The following AGMO variants were observed in gnomAD, a reference collection of about 807,000 sequenced individuals.
AGMO encodes the protein alkylglycerol monooxygenase, also known as glyceryl-ether monooxygenase.
AGMO carries 75 observed loss-of-function variants against 60.2 expected under a neutral mutation model. The observed-to-expected ratio is 1.25, with a 90% CI of 1.03 to 1.51. AGMO has a LOEUF of 1.51. AGMO is among the 40% of genes most tolerant of loss of function. AGMO has a pLI of 0.00. For missense variants in AGMO, 763 were observed against 525.5 expected (o/e 1.45, Z -4.42); for synonymous variants, 261 against 177.1 (o/e 1.47, Z -3.76).
chr7:15,137,557 T>A, the AGMO span, among the ~76,000 whole-genome samples: 3 of 152,182 alleles, frequency 2.0e-5, no homozygotes, highest in African/African-American at 7.2e-5. Flanking sequence ...GCAAAGGTTG[T>A]GATGCAGTGC....
chr7:15,161,503 T>A, the AGMO span, among the ~76,000 whole-genome samples: 1 of 151,644 alleles, frequency 6.6e-6, no homozygotes, highest in Admixed American at 6.6e-5. Flanking sequence ...TACACACATA[T>A]GTCATATATG....
At chr7:15,482,811 G>T (rs1318106765) in intron 3 of AGMO, among the ~76,000 whole-genome samples, 1 of 152,124 alleles carries the variant, frequency 6.6e-6, no homozygotes, top group Non-Finnish European at 1.5e-5. Flanking sequence ...TTCTATTCAG[G>T]TGGGTTTGGT....
At chr7:15,400,670 C>T (rs752957236) in intron 5 of AGMO, among the ~76,000 whole-genome samples, 1 of 152,038 alleles carries the variant, frequency 6.6e-6, no homozygotes, top group Non-Finnish European at 1.5e-5. Flanking sequence ...GATCTTTGAT[C>T]AAGTGAGTTG....
At chr7:15,461,582 T>C (rs1412758360) in intron 3 of AGMO, among the ~76,000 whole-genome samples, 1 of 152,152 alleles carries the variant, frequency 6.6e-6, no homozygotes, top group African/African-American at 2.4e-5. Flanking sequence ...GGGGTTCTCA[T>C]TAGCATTTAT....
At chr7:15,534,302 T>A (rs1784433947) in intron 3 of AGMO, among the ~76,000 whole-genome samples, 1 of 152,054 alleles carries the variant, frequency 6.6e-6, no homozygotes, top group Non-Finnish European at 1.5e-5. Context: ...ATGGATTTTA[T>A]TTCTTTTAAA....
At chr7:15,215,679 A>C (rs1420088174) in intron 12 of AGMO, among the ~76,000 whole-genome samples, 1 of 152,080 alleles carries the variant, frequency 6.6e-6, no homozygotes, top group African/African-American at 2.4e-5. Flanking sequence ...GTATAGCACT[A>C]TGGAGAATAT....
intron 3 of AGMO, among the ~76,000 whole-genome samples, chr7:15,459,515 T>C (rs1052562691): frequency 6.6e-6 from 1 of 151,938 alleles, no homozygotes; most frequent in Non-Finnish European, 1.5e-5. Context: ...TGGAATGAAC[T>C]TTTCTGAATC....
At chr7:15,381,114 C>G (rs545252621) in intron 10 of AGMO, among the ~76,000 whole-genome samples, 2 of 152,002 alleles carry the variant, frequency 1.3e-5, no homozygotes, top group African/African-American at 2.4e-5. Context: ...AGGACACAGA[C>G]AAAAACAAAG....
intron 8 of AGMO, 142 bp downstream of exon 8, chr7:15,390,529 G>A (rs1784093986): frequency 1.9e-6 from 1 of 522,796 alleles, no homozygotes; most frequent in Non-Finnish European, 3.3e-6. Context: ...GTAACAAAGA[G>A]TTATTTGTAA....
At chr7:15,201,403 T>A (rs2115464073) in intron 12 of AGMO, 44 bp from the exon 13 acceptor site, 14 of 1,311,248 alleles carry the variant, frequency 1.1e-5, no homozygotes, top group Non-Finnish European at 1.4e-5. Flanking sequence ...TAGAAGTGAA[T>A]CAATACTATT....
chr7:15,117,429 T>C, the AGMO span, among the ~76,000 whole-genome samples: 1 of 152,044 alleles, frequency 6.6e-6, no homozygotes, highest in African/African-American at 2.4e-5. Flanking sequence ...GTGATGGTTA[T>C]ATGACTTTGT....
intron 8 of AGMO, among the ~76,000 whole-genome samples, chr7:15,389,272 C>T (rs370441815): frequency 6.6e-6 from 1 of 150,634 alleles, no homozygotes; most frequent in East Asian, 1.9e-4. Flanking sequence ...ATTAAGTTTG[C>T]AAAGCTCTGC....
intron 12 of AGMO, among the ~76,000 whole-genome samples, chr7:15,248,222 A>ATATATATATATATCTATATCTATC (rs1554401294): frequency 2.9e-5 from 3 of 104,198 alleles, no homozygotes; most frequent in African/African-American, 1.1e-4. Flanking sequence ...ATATATATAT[A>ATATATATATATATCTATATCTATC]TATCTTCATC....
At chr7:15,279,190 A>G (rs973314624) in intron 12 of AGMO, among the ~76,000 whole-genome samples, 3 of 152,138 alleles carry the variant, frequency 2.0e-5, no homozygotes, top group Non-Finnish European at 2.9e-5. Context: ...GTAAAGGTCC[A>G]TGGCAGAAGT....
intron 3 of AGMO, among the ~76,000 whole-genome samples, chr7:15,522,454 A>G (rs191273902): frequency 1.1e-4 from 17 of 152,332 alleles, no homozygotes; most frequent in Admixed American, 1.3e-4. Flanking sequence ...AAACTATACT[A>G]CAAGGCTAAA....
intron 12 of AGMO, among the ~76,000 whole-genome samples, chr7:15,326,712 T>C (rs1781348805): frequency 6.6e-6 from 1 of 152,204 alleles, no homozygotes; most frequent in South Asian, 2.1e-4. Flanking sequence ...GAAATGGATA[T>C]AAGCTTCAAA....
At chr7:15,245,996 G>C (rs1000020862) in intron 12 of AGMO, among the ~76,000 whole-genome samples, 3 of 152,026 alleles carry the variant, frequency 2.0e-5, no homozygotes, top group Admixed American at 6.6e-5. Flanking sequence ...ACGATTAAGA[G>C]ATGTCTTACC....
At chr7:15,198,225 G>GAGAGAGAGAC (rs1781174279), downstream of AGMO, among the ~76,000 whole-genome samples, 2 of 115,972 alleles carry the variant, frequency 1.7e-5, no homozygotes, top group African/African-American at 8.2e-5. Flanking sequence ...GAGAGAGAGA[G>GAGAGAGAGAC]AGAGAGAGAG....
chr7:15,513,498 C>G (rs1783732515), intron 3 of AGMO, among the ~76,000 whole-genome samples: 2 of 151,844 alleles, frequency 1.3e-5, no homozygotes, highest in Admixed American at 6.6e-5. Flanking sequence ...ACTTTTTGAC[C>G]CTTACCTTTG....
Sources: allele counts gnomAD v4.1 joint callset (sites outside exome capture counted in the v4.1 genomes callset), GRCh38; gene constraint gnomAD v4.1.1; transcripts MANE v1.5; gene names NCBI Gene and HGNC (gene_info 2026-07-23, HGNC 2026-07-21).